The following PARP4 variants were observed in gnomAD, a reference collection of about 807,000 sequenced individuals.
PARP4 encodes the protein poly(ADP-ribose) polymerase family member 4.
Under a neutral mutation model 187.7 loss-of-function variants are expected in PARP4, and 120 were observed. The observed-to-expected ratio is 0.64, with a 90% CI of 0.55 to 0.74. The LOEUF (loss-of-function observed/expected upper bound fraction) is 0.74. Among genes scored for constraint, PARP4 ranks in the 30% least tolerant of loss-of-function variants. The pLI is 0.00. For synonymous variants in PARP4, 654 were observed against 740.9 expected (o/e 0.88, Z 1.90); for missense variants, 1,836 against 2,070.5 (o/e 0.89, Z 2.20).
chr13:24,457,793 A>AAAAAAAAAAAAAG (rs1566000254), intron 20 of PARP4, among the ~76,000 whole-genome samples: 2 of 148,512 alleles, frequency 1.3e-5, no homozygotes, highest in African/African-American at 5.0e-5. Flanking sequence ...AAAAAAAAAA[A>AAAAAAAAAAAAAG]AAAGAAAAAA....
At chr13:24,500,187 T>G in intron 4 of PARP4, 129 bp downstream of exon 4, 1 of 445,924 alleles carries the variant, frequency 2.2e-6, no homozygotes, top group Non-Finnish European at 4.0e-6. Flanking sequence ...AAAAATCACT[T>G]GAGTTAGATA....
chr13:24,477,053 C>A (rs993251527), intron 14 of PARP4, among the ~76,000 whole-genome samples: 3 of 152,242 alleles, frequency 2.0e-5, no homozygotes, highest in Non-Finnish European at 4.4e-5. Context: ...ACACTTTCTG[C>A]ACCATGACAT....
chr13:24,512,341 CTT>C (rs1314451958), intron 1 of PARP4, among the ~76,000 whole-genome samples: 2 of 152,230 alleles, frequency 1.3e-5, no homozygotes, highest in Non-Finnish European at 2.9e-5. Context: ...CGAAACCTAA[CTT>C]TAGGAAAGAA....
intron 30 of PARP4, among the ~76,000 whole-genome samples, 182 bp from the exon 31 acceptor site, chr13:24,435,656 C>T (rs376321044): frequency 5.3e-5 from 8 of 152,292 alleles, no homozygotes; most frequent in African/African-American, 1.4e-4. Context: ...GCAGCTCACG[C>T]GTGTCATCTC....
chr13:24,500,701 TGA>T (rs1679709900), intron 3 of PARP4, among the ~76,000 whole-genome samples: 1 of 152,226 alleles, frequency 6.6e-6, no homozygotes, highest in African/African-American at 2.4e-5. Context: ...AATGAGTTCC[TGA>T]GAGTCGGCAC....
At chr13:24,490,432 C>T (rs1868575583) in intron 10 of PARP4, among the ~76,000 whole-genome samples, 1 of 152,072 alleles carries the variant, frequency 6.6e-6, no homozygotes, top group African/African-American at 2.4e-5. Context: ...TTAAATTTAA[C>T]CCTCAACAAG....
intron 25 of PARP4, among the ~76,000 whole-genome samples, chr13:24,449,205 A>T (rs9581042): frequency 6.6e-6 from 1 of 151,898 alleles, no homozygotes; most frequent in South Asian, 2.1e-4. Flanking sequence ...TGGCTAACAC[A>T]GTGAAACCCC....
chr13:24,425,075 G>A (rs1869956271), intron 33 of PARP4, among the ~76,000 whole-genome samples: 1 of 152,108 alleles, frequency 6.6e-6, no homozygotes, highest in African/African-American at 2.4e-5. Flanking sequence ...GCTGACGCGG[G>A]AGGATTGCTT....
chr13:24,503,578 AACCATGACC>A (rs1869430640), intron 2 of PARP4, 58 bp downstream of exon 2: 1 of 1,561,570 alleles, frequency 6.4e-7, no homozygotes, highest in South Asian at 1.1e-5. Flanking sequence ...TTCCTCTTCT[AACCATGACC>A]CTGTTCCCTG....
At chr13:24,422,512 C>CA (rs1313201010) in intron 33 of PARP4, among the ~76,000 whole-genome samples, 4 of 152,220 alleles carry the variant, frequency 2.6e-5, no homozygotes, top group Admixed American at 1.3e-4. Context: ...CTTGTGCCTA[C>CA]ACCCCCATAT....
chr13:24,475,994 C>T (rs936383134), intron 14 of PARP4, among the ~76,000 whole-genome samples: 38 of 152,168 alleles, frequency 2.5e-4, no homozygotes, highest in Admixed American at 1.8e-3. Context: ...GCCATGTTGT[C>T]CAGGCTGGTC....
chr13:24,502,547 T>C (rs1014585783), intron 2 of PARP4, among the ~76,000 whole-genome samples: 1 of 152,252 alleles, frequency 6.6e-6, no homozygotes, highest in African/African-American at 2.4e-5. Context: ...TGCTGGCTTT[T>C]CCACTGAAAT....
rs2137430559 is a variant in PARP4 at position 24,426,466 on chromosome 13, C to G, written c.4979G>C (p.Arg1660Thr). The change falls in exon 33 of 34, where the codon AGG becomes ACG. Residue 1660 changes from arginine to threonine, a missense_variant and splice_region_variant. Coordinates refer to ENST00000381989, the MANE Select transcript of PARP4 (RefSeq NM_006437.4). Reference protein sequence around the residue: ...LMKMDDASISRNIPWAFEAIK... With the variant: ...LMKMDDASISTNIPWAFEAIK... ...TGCATAATACTATAGTTAAAGCCAC[C>G]TGGAAATAGAAGCGTCATCCATTTT... 2.5e-6 allele frequency: 4 copies of G among 1,606,682 alleles called. No homozygotes were observed. The highest frequency in any genetic ancestry group is 3.4e-6 in the Non-Finnish European group (4 of 1,176,262).
At chr13:24,425,081 T>C (rs1223591880) in intron 33 of PARP4, among the ~76,000 whole-genome samples, 11 of 152,040 alleles carry the variant, frequency 7.2e-5, no homozygotes, top group Admixed American at 7.2e-4. Context: ...GCGGGAGGAT[T>C]GCTTGAGTTC....
At chr13:24,454,921 C>G in intron 22 of PARP4, 96 bp downstream of exon 22, 1 of 1,002,626 alleles carries the variant, frequency 1.0e-6, no homozygotes, top group Non-Finnish European at 1.4e-6. Context: ...CCCCTCACCA[C>G]ACAGGCAGGG....
intron 4 of PARP4, 96 bp downstream of exon 4, chr13:24,500,218 GAA>G (rs1438923232): frequency 1.7e-6 from 1 of 605,996 alleles, no homozygotes; most frequent in Non-Finnish European, 2.8e-6. Context: ...ATTAAAATAA[GAA>G]AAAGTCTACA....
At chr13:24,507,369 C>T (rs1265133277) in intron 1 of PARP4, among the ~76,000 whole-genome samples, 1 of 152,196 alleles carries the variant, frequency 6.6e-6, no homozygotes, top group Non-Finnish European at 1.5e-5. Flanking sequence ...GATGGTGGTA[C>T]CCATTCCCTG....
intron 25 of PARP4, among the ~76,000 whole-genome samples, chr13:24,449,251 G>A (rs1166040932): frequency 1.3e-5 from 2 of 152,148 alleles, no homozygotes; most frequent in Admixed American, 6.5e-5. Flanking sequence ...AGCCAGGCAT[G>A]GTGGCTGGTG....
At chr13:24,493,564 TCA>T (rs765622627) in intron 8 of PARP4, 30 bp downstream of exon 8, 1 of 1,588,424 alleles carries the variant, frequency 6.3e-7, no homozygotes, top group East Asian at 2.2e-5. Flanking sequence ...GGCAGATTTT[TCA>T]CATTCTGTTT....
Sources: gnomAD v4.1 joint callset for allele counts (sites outside exome capture counted in the v4.1 genomes callset) on GRCh38, gnomAD v4.1.1 for gene constraint, MANE v1.5 for transcripts, NCBI Gene and HGNC (gene_info 2026-07-23, HGNC 2026-07-21) for gene names.